Variants in MAGI3 observed in about 807,000 individuals in gnomAD.
MAGI3 encodes membrane associated guanylate kinase, WW and PDZ domain containing 3.
A neutral mutation model predicts 121.8 loss-of-function variants in MAGI3; 43 were observed. The observed-to-expected ratio is 0.35, with a 90% CI of 0.28 to 0.46. The LOEUF (loss-of-function observed/expected upper bound fraction) is 0.46, where lower values mean the gene tolerates loss of function less well. MAGI3 is among the 20% of genes least tolerant of loss of function. MAGI3 has a pLI of 1.00. For synonymous variants in MAGI3, 553 were observed against 639.3 expected (o/e 0.86, Z 2.04); for missense variants, 1,547 against 1,797.3 (o/e 0.86, Z 2.52).
chr1:113,463,956 C>G, intron 1 of MAGI3, among the ~76,000 whole-genome samples: 1 of 152,042 alleles, frequency 6.6e-6, no homozygotes, highest in East Asian at 1.9e-4. Flanking sequence ...AATCAGTGTT[C>G]TTGGGATATT....
At chr1:113,496,568 T>C (rs1244418517) in intron 1 of MAGI3, among the ~76,000 whole-genome samples, 1 of 152,250 alleles carries the variant, frequency 6.6e-6, no homozygotes, top group Non-Finnish European at 1.5e-5. Flanking sequence ...TAAATTTTGA[T>C]AATCAGTTTC....
intron 6 of MAGI3, among the ~76,000 whole-genome samples, chr1:113,611,377 C>T (rs1290748073): frequency 1.3e-5 from 2 of 152,050 alleles, no homozygotes; most frequent in African/African-American, 4.8e-5. Flanking sequence ...CGTGAGTCAC[C>T]GTGCCGGCCC....
intron 9 of MAGI3, among the ~76,000 whole-genome samples, chr1:113,634,956 G>A (rs1344479644): frequency 1.3e-5 from 2 of 151,828 alleles, no homozygotes; most frequent in Non-Finnish European, 2.9e-5. Context: ...CACGTCCCTT[G>A]TAAGTTGGAT....
At chr1:113,461,202 C>T (rs1023809255) in intron 1 of MAGI3, among the ~76,000 whole-genome samples, 101 of 152,242 alleles carry the variant, frequency 6.6e-4, no homozygotes, top group African/African-American at 2.3e-3. Context: ...AAACTACCAA[C>T]AGCATTATTC....
intron 1 of MAGI3, among the ~76,000 whole-genome samples, chr1:113,494,801 A>T (rs1656838814): frequency 6.6e-6 from 1 of 152,200 alleles, no homozygotes; most frequent in South Asian, 2.1e-4. Flanking sequence ...CTTTGTTGAT[A>T]GCTGGTTTGA....
intron 2 of MAGI3, among the ~76,000 whole-genome samples, chr1:113,566,033 T>A (rs1199703654): frequency 6.6e-6 from 1 of 152,226 alleles, no homozygotes; most frequent in Non-Finnish European, 1.5e-5. Flanking sequence ...TCATTTTTCA[T>A]ATCAACTGAT....
chr1:113,456,576 TCATAA>T (rs1190397454), intron 1 of MAGI3, among the ~76,000 whole-genome samples: 1 of 152,200 alleles, frequency 6.6e-6, no homozygotes, highest in Admixed American at 6.5e-5. Flanking sequence ...AAAGAACATT[TCATAA>T]CATAAGTTAT....
At chr1:113,665,955 A>G (rs1035948331) in intron 16 of MAGI3, among the ~76,000 whole-genome samples, 5 of 152,236 alleles carry the variant, frequency 3.3e-5, no homozygotes, top group African/African-American at 1.2e-4. Flanking sequence ...TTGGTTTTCT[A>G]GTGCATATAG....
chr1:113,659,301 TC>T, intron 16 of MAGI3, 36 bp downstream of exon 16: 1 of 1,603,314 alleles, frequency 6.2e-7, no homozygotes, highest in South Asian at 1.1e-5. Flanking sequence ...CCCAAGCTGA[TC>T]TGAGAGGCAC....
At chr1:113,622,178 A>G (rs1417830189) in intron 8 of MAGI3, among the ~76,000 whole-genome samples, 1 of 152,200 alleles carries the variant, frequency 6.6e-6, no homozygotes, top group Non-Finnish European at 1.5e-5. Context: ...TTAATACTTC[A>G]TAAATTATAA....
At chr1:113,417,672 G>T (rs528576499) in intron 1 of MAGI3, among the ~76,000 whole-genome samples, 1 of 151,954 alleles carries the variant, frequency 6.6e-6, no homozygotes, top group East Asian at 1.9e-4. Context: ...TCTGTGTTGG[G>T]CTATGTATTC....
At chr1:113,631,571 T>TAAGG (rs1232403655) in intron 9 of MAGI3, among the ~76,000 whole-genome samples, 1 of 152,220 alleles carries the variant, frequency 6.6e-6, no homozygotes, top group African/African-American at 2.4e-5. Flanking sequence ...ACTAAAGATT[T>TAAGG]ATTAATCATC....
chr1:113,648,111 C>G (rs530650452), intron 12 of MAGI3, among the ~76,000 whole-genome samples: 1 of 151,978 alleles, frequency 6.6e-6, no homozygotes, highest in Admixed American at 6.6e-5. Flanking sequence ...TTAGTAGAGA[C>G]GGGGTTTCAC....
intron 1 of MAGI3, among the ~76,000 whole-genome samples, chr1:113,484,678 ATCCCCTCCCCTCCCCTCCCC>A (rs1471711984): frequency 2.3e-4 from 1 of 4,308 alleles, no homozygotes; most frequent in Non-Finnish European, 4.0e-4. Context: ...CTCCCTTCCC[ATCCCCTCCCCTCCCCTCCCC>A]TCCCCTCCCC....
chr1:113,653,745 C>A, intron 14 of MAGI3, 85 bp from the exon 15 acceptor site: 1 of 1,193,772 alleles, frequency 8.4e-7, no homozygotes, highest in Admixed American at 2.5e-5. Context: ...CTGAATTTTT[C>A]TGTGAGAGGC....
intron 1 of MAGI3, among the ~76,000 whole-genome samples, chr1:113,532,300 A>G (rs1034799333): frequency 6.6e-6 from 1 of 152,082 alleles, no homozygotes; most frequent in Non-Finnish European, 1.5e-5. Flanking sequence ...GCTTCCCAGA[A>G]ACAGAATTGA....
rs907580353 is a variant in MAGI3 at position 113,422,508 on chromosome 1, T to C, written c.316+31159T>C. Among the ~76,000 whole-genome samples, 18 of 152,294 alleles carry C rather than the reference T, an allele frequency of 1.2e-4. No homozygotes were observed. The highest frequency in any genetic ancestry group is 4.3e-4 in the African/African-American group (18 of 41,564). ...AGCCAGGACAGAGCGGTGAGGGGCA[T>C]GTGAGTGAGCGAGTGTGGGGTCTGG... On this transcript the variant is annotated intron_variant, in intron 1 of 20. Coordinates refer to ENST00000307546, the MANE Select transcript of MAGI3 (RefSeq NM_001142782.2). This position sits in a 1 kb window ranked among gnomAD's most constrained non-coding sequence, Gnocchi z 4.3.
intron 9 of MAGI3, among the ~76,000 whole-genome samples, chr1:113,631,539 G>C (rs140964455): frequency 6.6e-6 from 1 of 152,102 alleles, no homozygotes; most frequent in African/African-American, 2.4e-5. Flanking sequence ...ATAACTTTGA[G>C]ATAATCCTTT....
chr1:113,426,278 A>G (rs1424430663), intron 1 of MAGI3, among the ~76,000 whole-genome samples: 1 of 152,182 alleles, frequency 6.6e-6, no homozygotes, highest in Non-Finnish European at 1.5e-5. Context: ...TATGATTTCA[A>G]TTTTAAAACA....
Sources: allele counts gnomAD v4.1 joint callset (sites outside exome capture counted in the v4.1 genomes callset), GRCh38; gene constraint gnomAD v4.1.1; non-coding constraint Gnocchi (gnomAD v3.1); transcripts MANE v1.5; gene names NCBI Gene and HGNC (gene_info 2026-07-23, HGNC 2026-07-21).